FRMD5: variants seen among roughly 807,000 people sequenced by gnomAD.
The protein encoded by FRMD5 is FERM domain containing 5.
FRMD5 carries 20 observed loss-of-function variants against 69.0 expected under a neutral mutation model. That is an observed-to-expected ratio of 0.29 (90% CI 0.20 to 0.42). FRMD5 has a LOEUF of 0.42. Ranked by LOEUF, FRMD5 falls within the 10% of genes least tolerant of loss-of-function variation. FRMD5 has a pLI of 1.00. For synonymous variants in FRMD5, 271 were observed against 260.1 expected, an observed-to-expected ratio of 1.04 and a Z score of -0.40; for missense variants, 595 against 708.6, an observed-to-expected ratio of 0.84 and a Z score of 1.82.
intron 1 of FRMD5, among the ~76,000 whole-genome samples, chr15:43,928,183 T>C (rs1477573044): frequency 6.6e-6 from 1 of 152,304 alleles, no homozygotes; most frequent in East Asian, 1.9e-4. Flanking sequence ...GAAGACATAG[T>C]TCCCTCAAGT....
chr15:44,176,565 A>G (rs1259141958), intron 1 of FRMD5, among the ~76,000 whole-genome samples: 1 of 152,166 alleles, frequency 6.6e-6, no homozygotes, highest in Non-Finnish European at 1.5e-5. Flanking sequence ...TTTGTGCTTC[A>G]AAAGATACCA....
chr15:43,909,883 T>C lies in FRMD5; in HGVS notation c.426A>G (p.Gln142=). Residue 142 remains glutamine, a splice_region_variant and synonymous_variant, in exon 5 of 14, where the codon CAA becomes CAG. Transcript: ENST00000417257. The part of the protein sequence containing the change: ...DAALLAAYIL[Q]AEIGDYDSGK... ...ACTTATCCTGTCAAAAGTCATTACC[T>C]TGAAGGATGTAAGCTGCTAACAAGG... The C allele has an allele frequency of 3.1e-6, 5 of 1,601,386 alleles. No homozygotes were observed. Among genetic ancestry groups the C allele is most frequent in the Non-Finnish European group, 4.3e-6 (5 of 1,169,094 alleles).
chr15:43,963,824 G>A (rs1224428899), intron 1 of FRMD5, among the ~76,000 whole-genome samples: 2 of 151,910 alleles, frequency 1.3e-5, no homozygotes, highest in African/African-American at 4.8e-5. Context: ...CCAAACACCA[G>A]ACGTTCTCAC....
At chr15:44,071,541 G>A (rs144022883) in intron 1 of FRMD5, among the ~76,000 whole-genome samples, 3,016 of 152,272 alleles carry the variant, frequency 0.02, 41 homozygotes, top group Middle Eastern at 0.071. Context: ...TTAAGCATTT[G>A]GGACTAACAT....
At position 43,912,814 on chromosome 15, in the gene FRMD5, T is replaced by A. The variant is rs181804547; in HGVS notation, c.330-2835A>T. On this transcript the variant is annotated intron_variant, in intron 4 of 13. Coordinates refer to ENST00000417257, the MANE Select transcript of FRMD5 (RefSeq NM_032892.5). ...GGGTGGATCACCTGAGGTCAAGAGTTCGAGACCACCATGGCCAACATGGTG... is the reference window on the plus strand; with the variant it reads ...GGGTGGATCACCTGAGGTCAAGAGTACGAGACCACCATGGCCAACATGGTG... Among the ~76,000 whole-genome samples the A allele has an allele frequency of 7.5e-5, 11 of 147,044 alleles. No homozygotes were observed. The East Asian group carries it at 2.0e-3, about 27-fold the overall frequency.
chr15:44,084,903 C>T (rs1894135017), intron 1 of FRMD5, among the ~76,000 whole-genome samples: 1 of 152,022 alleles, frequency 6.6e-6, no homozygotes, highest in African/African-American at 2.4e-5. Flanking sequence ...TATAATTCTG[C>T]CAAAAGATCG....
In FRMD5 at chr15:44,056,237, G is replaced by A. The variant is rs751662883; in HGVS notation, c.103-131928C>T. On this transcript the variant is annotated intron_variant, in intron 1 of 13. Coordinates refer to ENST00000417257, the MANE Select transcript of FRMD5 (RefSeq NM_032892.5). The stretch of plus-strand genomic sequence containing the variant: ...GCATTTAAAATTCAAGGTAGTGGGG[G>A]GATTCCCAAAAATTAAAGATACCCA... Among the ~76,000 whole-genome samples the A allele has an allele frequency of 1.0e-3, 153 of 152,176 alleles. 1 individual carries two copies. The highest frequency in any genetic ancestry group is 1.7e-3 in the Admixed American group (26 of 15,290).
chr15:44,082,602 T>C (rs919633968), intron 1 of FRMD5, among the ~76,000 whole-genome samples: 11 of 152,026 alleles, frequency 7.2e-5, no homozygotes, highest in Admixed American at 2.6e-4. Flanking sequence ...AAAAATCAGT[T>C]TCCACAAACA....
At chr15:44,155,539 T>C (rs1231118326) in intron 1 of FRMD5, among the ~76,000 whole-genome samples, 2 of 152,154 alleles carry the variant, frequency 1.3e-5, no homozygotes, top group African/African-American at 4.8e-5. Context: ...CTCCATTCCT[T>C]TATCAAAAAA....
chr15:43,883,193 A>G (rs1450291276), intron 13 of FRMD5, among the ~76,000 whole-genome samples: 2 of 150,704 alleles, frequency 1.3e-5, no homozygotes, highest in Non-Finnish European at 3.0e-5. Context: ...TCTGCATCCC[A>G]GGCTCAAGCG....
intron 1 of FRMD5, among the ~76,000 whole-genome samples, chr15:44,149,962 T>C (rs2077417545): frequency 6.6e-6 from 1 of 152,108 alleles, no homozygotes; most frequent in South Asian, 2.1e-4. Flanking sequence ...TTATACAACA[T>C]AACCAAGTTA....
At chr15:44,099,340 A>C (rs975404469) in intron 1 of FRMD5, among the ~76,000 whole-genome samples, 7 of 152,102 alleles carry the variant, frequency 4.6e-5, no homozygotes, top group Non-Finnish European at 7.4e-5. Flanking sequence ...AATCCTAACA[A>C]ACTCCCAGGT....
chr15:43,906,018 G>GAA, intron 5 of FRMD5, 67 bp from the exon 6 acceptor site: 2 of 1,600,052 alleles, frequency 1.2e-6, no homozygotes, highest in South Asian at 2.2e-5. Context: ...AAAGCAACAA[G>GAA]AGATTAGCAC....
chr15:44,096,668 G>A (rs918195231), intron 1 of FRMD5, among the ~76,000 whole-genome samples: 2 of 152,080 alleles, frequency 1.3e-5, no homozygotes, highest in Admixed American at 1.3e-4. Flanking sequence ...TTCCCAAAGT[G>A]CTGGGATTAC....
At chr15:44,128,460 A>T (rs1293779671) in intron 1 of FRMD5, among the ~76,000 whole-genome samples, 2 of 152,204 alleles carry the variant, frequency 1.3e-5, no homozygotes, top group African/African-American at 4.8e-5. Context: ...CTGGGTGACA[A>T]GAGCAAAATT....
At chr15:44,063,854 G>A in intron 1 of FRMD5, 1 of 274,262 alleles carries the variant, frequency 3.6e-6, no homozygotes, top group South Asian at 3.8e-5. Flanking sequence ...TTAGACGGGG[G>A]AACCAAAAAG....
chr15:44,159,524 A>G (rs1245936562), intron 1 of FRMD5, among the ~76,000 whole-genome samples: 1 of 152,218 alleles, frequency 6.6e-6, no homozygotes, highest in African/African-American at 2.4e-5. Context: ...ACAGCAAGAA[A>G]GAAGAATGAA....
intron 1 of FRMD5, among the ~76,000 whole-genome samples, chr15:43,926,250 C>T (rs1047492625): frequency 6.6e-6 from 1 of 152,196 alleles, no homozygotes; most frequent in Non-Finnish European, 1.5e-5. Context: ...CCTGTCAAAA[C>T]ATCTGGAGCC....
At chr15:43,931,551 A>G (rs1021964125) in intron 1 of FRMD5, among the ~76,000 whole-genome samples, 7 of 152,068 alleles carry the variant, frequency 4.6e-5, no homozygotes, top group Non-Finnish European at 8.8e-5. Flanking sequence ...TCCAACCCTA[A>G]GGACAGTTTG....
Sources: allele counts gnomAD v4.1 joint callset (sites outside exome capture counted in the v4.1 genomes callset), GRCh38; gene constraint gnomAD v4.1.1; transcripts MANE v1.5; gene names NCBI Gene and HGNC (gene_info 2026-07-23, HGNC 2026-07-21).